SLC1A1: variants seen among roughly 807,000 people sequenced by gnomAD.
SLC1A1 encodes the protein solute carrier family 1 member 1, also known as excitatory amino acid transporter 3.
A neutral mutation model predicts 53.3 loss-of-function variants in SLC1A1; 43 were observed. That is an observed-to-expected ratio of 0.81 (90% CI 0.63 to 1.04). SLC1A1 has a LOEUF of 1.04. Among genes scored for constraint, SLC1A1 ranks in the 50% least tolerant of loss-of-function variants. The pLI, the probability that SLC1A1 is intolerant of heterozygous loss-of-function variation, is 0.00. For synonymous variants in SLC1A1, 307 were observed against 243.2 expected (o/e 1.26, Z -2.44); for missense variants, 748 against 664.9 (o/e 1.12, Z -1.37).
chr9:4,557,099 T>C (rs1164811019), intron 2 of SLC1A1, among the ~76,000 whole-genome samples: 1 of 152,128 alleles, frequency 6.6e-6, no homozygotes, highest in Admixed American at 6.5e-5. Flanking sequence ...GACCCAGAAA[T>C]GGATCTTTGA....
rs760252029 is a variant in SLC1A1 at position 4,544,649 on chromosome 9, T to G, written c.174T>G (p.Ile58Met). The G allele has an allele frequency of 1.2e-6, 2 of 1,613,722 alleles. No homozygotes were observed. Among genetic ancestry groups the G allele is most frequent in the African/African-American group, 1.3e-5 (1 of 74,928 alleles). ...TCTACTTTGCTTTTCCTGGAGAAATTCTAATGCGGATGCTGAAACTCATCA... is the reference window on the plus strand; with the variant it reads ...TCTACTTTGCTTTTCCTGGAGAAATGCTAATGCGGATGCTGAAACTCATCA... ...EKFYFAFPGE[I>M]LMRMLKLIIL... The change falls in exon 2 of 12, where the codon ATT (isoleucine) becomes ATG (methionine). Residue 58 changes from isoleucine (I) to methionine (M), a missense_variant. By Grantham distance (10) the Ile-to-Met change is conservative (BLOSUM62 1). Coordinates refer to ENST00000262352, the MANE Select transcript of SLC1A1 (RefSeq NM_004170.6).
chr9:4,497,157 T>C (rs867731025), intron 1 of SLC1A1, among the ~76,000 whole-genome samples: 1 of 152,112 alleles, frequency 6.6e-6, no homozygotes, highest in Non-Finnish European at 1.5e-5. Context: ...GACTTAGGTG[T>C]ATCCATTACT....
intron 3 of SLC1A1, among the ~76,000 whole-genome samples, chr9:4,561,882 T>C (rs927996659): frequency 3.3e-5 from 5 of 152,112 alleles, no homozygotes; most frequent in Non-Finnish European, 7.4e-5. Flanking sequence ...TTTTAAAAAA[T>C]TGTATGTTAA....
At position 4,506,931 on chromosome 9, in the gene SLC1A1, A is replaced by G. The variant is rs115498286; in HGVS notation, c.91+16161A>G. 7.2e-3 allele frequency among the ~76,000 whole-genome samples: 1,095 copies of G among 152,288 alleles called. 8 individuals carry two copies. Among genetic ancestry groups the G allele is most frequent in the African/African-American group, 0.024 (985 of 41,562 alleles). On this transcript the variant is annotated intron_variant, in intron 1 of 11. Transcript: ENST00000262352. Reference sequence around the variant, plus strand: ...GGCTGAAGATTCCCACAGACATATAATAAAAGGTTCCAAGAGTAGGCTGGC... The same window carrying G: ...GGCTGAAGATTCCCACAGACATATAGTAAAAGGTTCCAAGAGTAGGCTGGC...
At chr9:4,505,262 T>A (rs1452912846) in intron 1 of SLC1A1, among the ~76,000 whole-genome samples, 8 of 152,104 alleles carry the variant, frequency 5.3e-5, no homozygotes, top group Non-Finnish European at 7.4e-5. Flanking sequence ...TTGGCCAGGC[T>A]GGTCTTGAAC....
chr9:4,503,895 C>T (rs1167329334), intron 1 of SLC1A1, among the ~76,000 whole-genome samples: 1 of 148,146 alleles, frequency 6.8e-6, no homozygotes, highest in Non-Finnish European at 1.5e-5. Context: ...CCCATTGATC[C>T]CCTAGAAGCC....
At chr9:4,566,021 A>T (rs757592902) in intron 4 of SLC1A1, 26 bp from the exon 5 acceptor site, 1 of 1,600,640 alleles carries the variant, frequency 6.2e-7, no homozygotes, top group African/African-American at 1.3e-5. Context: ...GCCCTAACAT[A>T]ATACTGCCTT....
At chr9:4,516,186 A>G (rs1821156057) in intron 1 of SLC1A1, among the ~76,000 whole-genome samples, 2 of 152,174 alleles carry the variant, frequency 1.3e-5, no homozygotes, top group Non-Finnish European at 2.9e-5. Context: ...TTCAGAGCTC[A>G]GCCCTTCACC....
In SLC1A1 at chr9:4,566,073, A is replaced by T; in HGVS notation, c.467A>T (p.Gln156Leu). 6.2e-7 allele frequency: 1 copy of T among 1,613,484 alleles called. No homozygotes were observed. ...IRNMFPENLV[Q>L]ACFQQYKTKR... is the part of the protein sequence containing the mutation. ...AATATGTTCCCTGAGAATCTTGTCC[A>T]GGCCTGTTTTCAGCAGGTAATATTA... Residue 156 changes from glutamine to leucine, a missense_variant, in exon 5 of 12, where the codon CAG becomes CTG. Physicochemically the swap from Gln to Leu is moderately radical, Grantham distance 113. Transcript: ENST00000262352.
At position 4,572,198 on chromosome 9, in the gene SLC1A1, C is replaced by T. The variant is rs1324894216; in HGVS notation, c.583-6C>T. The T allele has an allele frequency of 4.3e-6, 7 of 1,610,832 alleles. No homozygotes were observed. Among genetic ancestry groups the T allele is most frequent in the Admixed American group, 1.7e-5 (1 of 59,984 alleles). ...ATCAATATGTTTTCTTGGTTTTGAT[C>T]CACAGAACAAAACAAAGGAATACAA... On this transcript the variant is annotated splice_region_variant and splice_polypyrimidine_tract_variant and intron_variant, in intron 6 of 11. Transcript: ENST00000262352.
In SLC1A1 at chr9:4,561,504, G is replaced by C. The variant is rs775085573; in HGVS notation, c.288G>C (p.Val96=). The C allele has an allele frequency of 1.9e-6, 3 of 1,609,008 alleles. No individual in the cohort carries two copies. Among genetic ancestry groups the C allele is most frequent in the Non-Finnish European group, 2.6e-6 (3 of 1,175,420 alleles). Residue 96 remains valine, a synonymous_variant, in exon 3 of 12, where the codon GTG becomes GTC. Transcript: ENST00000262352. ...VSGKIGLRAV[V]YYFCTTLIAV... is the part of the protein sequence containing the mutation. ...GAAAAATTGGTCTGCGCGCTGTCGT[G>C]TATTATTTCTGTACCACTCTCATTG...
At chr9:4,567,631 T>C (rs1271959101) in intron 5 of SLC1A1, 38 bp from the exon 6 acceptor site, 1 of 1,428,580 alleles carries the variant, frequency 7.0e-7, no homozygotes, top group Non-Finnish European at 9.8e-7. Context: ...AAAAATTCTT[T>C]TTTTGTTTGC....
At chr9:4,494,035 C>T (rs62542050) in intron 1 of SLC1A1, among the ~76,000 whole-genome samples, 1,708 of 152,268 alleles carry the variant, frequency 0.011, 15 homozygotes, top group South Asian at 0.043. Context: ...TAAATTTCTG[C>T]GACACCCTAC....
intron 2 of SLC1A1, 131 bp from the exon 3 acceptor site, chr9:4,561,318 C>T: frequency 1.3e-6 from 1 of 745,884 alleles, no homozygotes; most frequent in East Asian, 2.5e-5. Context: ...TTGCCCATTG[C>T]ATGTTATTGC....
At chr9:4,497,241 A>C (rs1290178075) in intron 1 of SLC1A1, among the ~76,000 whole-genome samples, 1 of 152,210 alleles carries the variant, frequency 6.6e-6, no homozygotes, top group East Asian at 1.9e-4. Context: ...TATTTTCAGG[A>C]AACAGAGGCA....
chr9:4,555,029 T>C (rs1818246723), intron 2 of SLC1A1, among the ~76,000 whole-genome samples: 1 of 152,244 alleles, frequency 6.6e-6, no homozygotes, highest in Non-Finnish European at 1.5e-5. Context: ...TTGTTCACTT[T>C]GTTCCTCACA....
intron 1 of SLC1A1, among the ~76,000 whole-genome samples, chr9:4,502,389 G>GGA (rs1554674522): frequency 1.8e-5 from 1 of 56,490 alleles, no homozygotes; most frequent in Non-Finnish European, 2.9e-5. Context: ...CCTGTCTCCA[G>GGA]AAAAAAAAAA....
intron 1 of SLC1A1, among the ~76,000 whole-genome samples, chr9:4,508,847 C>A (rs991743541): frequency 6.6e-6 from 1 of 152,200 alleles, no homozygotes; most frequent in Non-Finnish European, 1.5e-5. Context: ...AGGTGTCAAT[C>A]AAACACCTAC....
chr9:4,533,476 C>T (rs1441079346), intron 1 of SLC1A1, among the ~76,000 whole-genome samples: 4 of 152,090 alleles, frequency 2.6e-5, no homozygotes, highest in African/African-American at 9.7e-5. Context: ...AAGGCCATTA[C>T]ATAATGGTAA....
Sources: gnomAD v4.1 joint callset for allele counts (sites outside exome capture counted in the v4.1 genomes callset) on GRCh38, gnomAD v4.1.1 for gene constraint, MANE v1.5 for transcripts, NCBI Gene and HGNC (gene_info 2026-07-23, HGNC 2026-07-21) for gene names.